Variants in TXNDC16 observed in about 807,000 individuals in gnomAD.
TXNDC16 encodes thioredoxin domain-containing protein 16.
TXNDC16 carries 74 observed loss-of-function variants against 85.6 expected under a neutral mutation model. The ratio of observed to expected loss-of-function variants is 0.86; its 90% CI spans 0.72 to 1.05. The LOEUF is 1.05. Among genes scored for constraint, TXNDC16 ranks in the 50% least tolerant of loss-of-function variants. TXNDC16 has a pLI of 0.00. For missense variants in TXNDC16, 959 were observed against 947.0 expected, an observed-to-expected ratio of 1.01 and a Z score of -0.17; for synonymous variants, 335 against 326.5, an observed-to-expected ratio of 1.03 and a Z score of -0.28.
chr14:52,520,975 T>C (rs912826549), intron 6 of TXNDC16, among the ~76,000 whole-genome samples: 3 of 151,998 alleles, frequency 2.0e-5, no homozygotes, highest in African/African-American at 7.2e-5. Flanking sequence ...GTTGCCAAAA[T>C]AGGAATTAAA....
chr14:52,439,287 G>A lies in TXNDC16; in HGVS notation c.2111C>T (p.Ala704Val). ...VNLHSGGQVFAFPSDQAIIEE... is the reference protein window; with the variant it reads ...VNLHSGGQVFVFPSDQAIIEE... ...AATTATAGCCTGGTCTGAAGGAAATGCAAATACTTGGCCACCTGAATGCAG... is the reference window on the plus strand; with the variant it reads ...AATTATAGCCTGGTCTGAAGGAAATACAAATACTTGGCCACCTGAATGCAG... The change falls in exon 20 of 21, where the codon GCA becomes GTA. Residue 704 changes from alanine (A) to valine (V), a missense_variant. Coordinates refer to ENST00000281741, the MANE Select transcript of TXNDC16 (RefSeq NM_020784.3). The A allele has an allele frequency of 6.2e-7, 1 of 1,614,086 alleles. No homozygotes were observed. Among genetic ancestry groups the A allele is most frequent in the African/African-American group, 1.3e-5 (1 of 75,042 alleles).
At position 52,482,295 on chromosome 14, in the gene TXNDC16, T is replaced by G; in HGVS notation, c.1253-6A>C. On this transcript the variant is annotated splice_polypyrimidine_tract_variant and splice_region_variant and intron_variant, in intron 13 of 20. Coordinates refer to ENST00000281741, the MANE Select transcript of TXNDC16 (RefSeq NM_020784.3). ...TGCCATGGATACTGCTTGCCCTATA[T>G]GAAAATTAAAAATTCAACAGATATT... The G allele has an allele frequency of 1.2e-6, 2 of 1,609,896 alleles. No homozygotes were observed. The highest frequency in any genetic ancestry group is 1.7e-6 in the Non-Finnish European group (2 of 1,178,196).
intron 9 of TXNDC16, among the ~76,000 whole-genome samples, chr14:52,504,573 A>C (rs956819509): frequency 2.0e-5 from 3 of 152,098 alleles, no homozygotes; most frequent in South Asian, 2.1e-4. Context: ...GAAGGAAGCA[A>C]TAAACATGGA....
At position 52,445,310 on chromosome 14, in the gene TXNDC16, A is replaced by T. The variant is rs544135161; in HGVS notation, c.1843-4586T>A. 3.9e-5 allele frequency among the ~76,000 whole-genome samples: 6 copies of T among 152,282 alleles called. No homozygotes were observed. In the South Asian group the frequency reaches 1.0e-3, roughly 26 times the overall value. On this transcript the variant is annotated intron_variant, in intron 18 of 20. Coordinates refer to ENST00000281741, the MANE Select transcript of TXNDC16 (RefSeq NM_020784.3). ...AACATATCAATTCAATGATTTGATTATTTATAACCTATAATTTTAACAGGA... is the reference window on the plus strand; with the variant it reads ...AACATATCAATTCAATGATTTGATTTTTTATAACCTATAATTTTAACAGGA...
intron 8 of TXNDC16, among the ~76,000 whole-genome samples, 155 bp downstream of exon 8, chr14:52,514,725 G>C (rs1259310351): frequency 6.6e-6 from 1 of 152,076 alleles, no homozygotes; most frequent in Non-Finnish European, 1.5e-5. Context: ...TAGTAATAAA[G>C]GGGATTTCAG....
intron 9 of TXNDC16, among the ~76,000 whole-genome samples, chr14:52,499,083 C>T (rs1279157053): frequency 1.3e-5 from 2 of 152,072 alleles, no homozygotes; most frequent in Admixed American, 6.6e-5. Flanking sequence ...AGGACAGTCT[C>T]TTCAATAGAT....
intron 20 of TXNDC16, among the ~76,000 whole-genome samples, chr14:52,437,477 T>C (rs2035055125): frequency 1.3e-5 from 2 of 151,814 alleles, no homozygotes; most frequent in South Asian, 2.1e-4. Flanking sequence ...TTATAGAAAC[T>C]CTCCAGGATA....
At chr14:52,458,307 C>T (rs1293052950) in intron 16 of TXNDC16, among the ~76,000 whole-genome samples, 1 of 152,102 alleles carries the variant, frequency 6.6e-6, no homozygotes, top group Non-Finnish European at 1.5e-5. Context: ...GCCTGTAATC[C>T]CAGCACTTTG....
At chr14:52,440,534 T>C in intron 19 of TXNDC16, 30 bp downstream of exon 19, 2 of 1,523,952 alleles carry the variant, frequency 1.3e-6, no homozygotes, top group East Asian at 2.4e-5. Flanking sequence ...TCTTTACCTC[T>C]TACATATTAA....
intron 6 of TXNDC16, among the ~76,000 whole-genome samples, chr14:52,521,992 C>T (rs528829103): frequency 6.6e-6 from 1 of 152,226 alleles, no homozygotes; most frequent in East Asian, 1.9e-4. Flanking sequence ...GGAAAGGTGG[C>T]AACTAAAGAA....
At position 52,470,495 on chromosome 14, in the gene TXNDC16, T is replaced by C. The variant is rs772925616; in HGVS notation, c.1481+17A>G. The C allele has an allele frequency of 1.9e-6, 3 of 1,603,290 alleles. No homozygotes were observed. The Admixed American group carries it at 5.2e-5, about 28-fold the overall frequency. ...ACCTAAACATTCAGAGATCTTATAA[T>C]GAAGCTGAATACTTACAGCTGGATA... On this transcript the variant is annotated intron_variant, in intron 15 of 20. Coordinates refer to ENST00000281741, the MANE Select transcript of TXNDC16 (RefSeq NM_020784.3).
chr14:52,485,950 A>G (rs971718013), intron 12 of TXNDC16, among the ~76,000 whole-genome samples: 1 of 152,170 alleles, frequency 6.6e-6, no homozygotes, highest in African/African-American at 2.4e-5. Flanking sequence ...AGTCAATCAC[A>G]TAACTCTCTG....
At chr14:52,449,836 A>T (rs1219446862) in intron 18 of TXNDC16, among the ~76,000 whole-genome samples, 2 of 152,160 alleles carry the variant, frequency 1.3e-5, no homozygotes, top group Non-Finnish European at 2.9e-5. Flanking sequence ...AAATTAAACA[A>T]TATGCTCCTG....
chr14:52,489,055 A>G (rs1377988719), intron 11 of TXNDC16, among the ~76,000 whole-genome samples: 2 of 152,216 alleles, frequency 1.3e-5, no homozygotes, highest in East Asian at 3.8e-4. Context: ...ATTATACTGA[A>G]GTCTGTAAAG....
At chr14:52,551,477 A>G (rs1372737217) in intron 1 of TXNDC16, among the ~76,000 whole-genome samples, 2 of 75,378 alleles carry the variant, frequency 2.7e-5, no homozygotes, top group Non-Finnish European at 2.8e-5. Context: ...AAAAAAAGGA[A>G]AAAAAAAAAA....
At chr14:52,475,906 G>A (rs2036010208) in intron 14 of TXNDC16, among the ~76,000 whole-genome samples, 1 of 152,162 alleles carries the variant, frequency 6.6e-6, no homozygotes, top group Non-Finnish European at 1.5e-5. Context: ...CCAAAGCTAA[G>A]GACCCTCACA....
intron 9 of TXNDC16, among the ~76,000 whole-genome samples, chr14:52,508,322 C>T (rs1182255238): frequency 3.9e-5 from 6 of 152,124 alleles, no homozygotes; most frequent in African/African-American, 1.4e-4. Flanking sequence ...AAAATGCTCA[C>T]CATCACTGGC....
Position 52,506,962 on chromosome 14 carries a change from G to T in TXNDC16, c.756+4278C>A, listed in dbSNP as rs1170473337. Among the ~76,000 whole-genome samples, 4 of 151,936 alleles carry T rather than the reference G, an allele frequency of 2.6e-5. No homozygotes were observed. In the East Asian group the frequency reaches 7.8e-4, roughly 29 times the overall value. ...ACAAACCCACAGCCAATATCATACT[G>T]AATGGGCAAAAACTGGAAGCATTCC... On this transcript the variant is annotated intron_variant, in intron 9 of 20. Transcript: ENST00000281741.
chr14:52,532,272 G>A (rs2037598486), intron 6 of TXNDC16, among the ~76,000 whole-genome samples: 1 of 152,082 alleles, frequency 6.6e-6, no homozygotes, highest in Non-Finnish European at 1.5e-5. Flanking sequence ...AGGCTGAGGT[G>A]GGAGGATCCC....
Sources: allele counts gnomAD v4.1 joint callset (sites outside exome capture counted in the v4.1 genomes callset), GRCh38; gene constraint gnomAD v4.1.1; transcripts MANE v1.5; gene names NCBI Gene and HGNC (gene_info 2026-07-23, HGNC 2026-07-21).